Variants in PHACTR3 observed in about 807,000 individuals in gnomAD.
The protein encoded by PHACTR3 is phosphatase and actin regulator 3.
PHACTR3 carries 16 observed loss-of-function variants against 66.8 expected under a neutral mutation model. That is an observed-to-expected ratio of 0.24 (90% CI 0.16 to 0.36). The LOEUF (loss-of-function observed/expected upper bound fraction) is 0.36. Ranked by LOEUF, PHACTR3 falls within the 10% of genes least tolerant of loss-of-function variation. PHACTR3 has a pLI of 1.00. For synonymous variants in PHACTR3, 323 were observed against 292.1 expected (o/e 1.11, Z -1.08); for missense variants, 647 against 719.9 (o/e 0.90, Z 1.16).
Position 59,747,859 on chromosome 20 carries a change from T to G in PHACTR3, c.358+24T>G, listed in dbSNP as rs199508185. ...GGGTAAGTGGGACCCGTCCCTGGCT[T>G]GGAAGGGCACGGTGCTGGGAATGCA... On this transcript the variant is annotated intron_variant, in intron 3 of 12. Coordinates refer to ENST00000371015, the MANE Select transcript of PHACTR3 (RefSeq NM_080672.5). 4 of 1,610,836 alleles carry G rather than the reference T, an allele frequency of 2.5e-6. No homozygotes were observed. In the East Asian group the frequency reaches 8.9e-5, roughly 36 times the overall value.
At chr20:59,613,144 G>A (rs150322872) in intron 1 of PHACTR3, among the ~76,000 whole-genome samples, 409 of 152,156 alleles carry the variant, frequency 2.7e-3, no homozygotes, top group African/African-American at 8.9e-3. Context: ...AAACCCTATC[G>A]GATATGATTT....
intron 1 of PHACTR3, among the ~76,000 whole-genome samples, chr20:59,624,973 A>G (rs2034392220): frequency 6.6e-6 from 1 of 152,164 alleles, no homozygotes; most frequent in South Asian, 2.1e-4. Flanking sequence ...GATGCCATCC[A>G]GATCCCGCAT....
chr20:59,773,447 A>G lies in PHACTR3; in HGVS notation c.920A>G (p.Gln307Arg). 1 of 1,607,106 alleles carries G rather than the reference A, an allele frequency of 6.2e-7. No individual in the cohort carries two copies. The highest frequency in any genetic ancestry group is 8.5e-7 in the Non-Finnish European group (1 of 1,177,266). Reference protein sequence around the residue: ...LHRALATKHRQDSFQGRESKG... With the variant: ...LHRALATKHRRDSFQGRESKG... ...AGGGCGCTGGCCACGAAGCACCGCC[A>G]GGACAGGTGAGGCCCTGCCCCATGA... The change falls in exon 6 of 13, where the codon CAG (glutamine) becomes CGG (arginine). Residue 307 changes from glutamine to arginine, a missense_variant. Around this residue, in one of 2 missense-constraint regions of PHACTR3, gnomAD observed 577 missense variants for 571.1 expected, o/e 1.01. Transcript: ENST00000371015.
chr20:59,787,977 T>G (rs1330471555), intron 7 of PHACTR3, among the ~76,000 whole-genome samples: 2 of 152,164 alleles, frequency 1.3e-5, no homozygotes, highest in African/African-American at 4.8e-5. Context: ...TTTTATTTCT[T>G]CCATAAGTTA....
intron 1 of PHACTR3, among the ~76,000 whole-genome samples, chr20:59,596,148 C>CT (rs2033321842): frequency 6.6e-6 from 1 of 152,072 alleles, no homozygotes; most frequent in African/African-American, 2.4e-5. Flanking sequence ...TCTTTGTTTT[C>CT]TTTTTTCGGA....
At chr20:59,821,526 T>C (rs1245844594) in intron 8 of PHACTR3, among the ~76,000 whole-genome samples, 2 of 152,090 alleles carry the variant, frequency 1.3e-5, no homozygotes, top group African/African-American at 4.8e-5. Flanking sequence ...TGGACCCTCC[T>C]CATGTGGCCG....
At chr20:59,784,696 C>T (rs145654614) in intron 7 of PHACTR3, among the ~76,000 whole-genome samples, 12 of 152,324 alleles carry the variant, frequency 7.9e-5, no homozygotes, top group African/African-American at 2.9e-4. Context: ...TGTGAAGCCT[C>T]TGAGGGTTGT....
intron 1 of PHACTR3, among the ~76,000 whole-genome samples, chr20:59,605,762 A>T (rs938418201): frequency 6.9e-6 from 1 of 144,308 alleles, no homozygotes; most frequent in Middle Eastern, 3.6e-3. Flanking sequence ...GGCAGCGTTG[A>T]TTGTTTAGGT....
chr20:59,793,938 C>CA (rs2041176937), intron 7 of PHACTR3, among the ~76,000 whole-genome samples: 1 of 151,880 alleles, frequency 6.6e-6, no homozygotes, highest in Non-Finnish European at 1.5e-5. Flanking sequence ...GCCTGGCCAA[C>CA]ACAAAGAAAC....
rs200149468 is a variant in PHACTR3 at position 59,767,339 on chromosome 20, C to T, written c.695C>T (p.Pro232Leu). 288 of 1,614,018 alleles carry T rather than the reference C, an allele frequency of 1.8e-4. No individual in the cohort carries two copies. Among genetic ancestry groups the T allele is most frequent in the Non-Finnish European group, 2.4e-4 (283 of 1,180,044 alleles). The change falls in exon 5 of 13, where the codon CCA becomes CTA. Residue 232 changes from proline (P) to leucine (L), a missense_variant. Pro to Leu is a moderately conservative substitution (Grantham distance 98, BLOSUM62 -3). Coordinates refer to ENST00000371015, the MANE Select transcript of PHACTR3 (RefSeq NM_080672.5). ...TCCGTGGGCCAGCTCCCCAGCCCCCCACTGCTGCCCACTCCGCCACCCAAG... is the reference window on the plus strand; with the variant it reads ...TCCGTGGGCCAGCTCCCCAGCCCCCTACTGCTGCCCACTCCGCCACCCAAG... ...ERSVGQLPSPPLLPTPPPKAS... is the reference protein window; with the variant it reads ...ERSVGQLPSPLLLPTPPPKAS...
chr20:59,627,037 A>G (rs922072705), intron 1 of PHACTR3: 2 of 152,252 alleles, frequency 1.3e-5, no homozygotes, highest in African/African-American at 2.4e-5. Context: ...AGCACAGCAC[A>G]GCCATGAGCC....
intron 8 of PHACTR3, among the ~76,000 whole-genome samples, chr20:59,808,946 G>A (rs926541342): frequency 2.0e-5 from 3 of 152,200 alleles, no homozygotes; most frequent in African/African-American, 7.2e-5. Flanking sequence ...TACACCCTCC[G>A]CTTCTGACCA....
intron 7 of PHACTR3, among the ~76,000 whole-genome samples, chr20:59,802,691 T>C (rs144710414): frequency 5.9e-5 from 9 of 152,326 alleles, no homozygotes; most frequent in African/African-American, 2.2e-4. Context: ...TGTGCCACTC[T>C]GGTATCCGGA....
At chr20:59,782,732 A>G (rs750457716) in intron 7 of PHACTR3, among the ~76,000 whole-genome samples, 3 of 152,204 alleles carry the variant, frequency 2.0e-5, no homozygotes, top group Admixed American at 6.5e-5. Context: ...CCATGATTCA[A>G]TTATCTCCCA....
intron 1 of PHACTR3, among the ~76,000 whole-genome samples, chr20:59,722,740 G>T (rs889812329): frequency 3.4e-4 from 52 of 152,180 alleles, no homozygotes; most frequent in African/African-American, 8.9e-4. Flanking sequence ...GGCTTGAGGG[G>T]CAGCCATGGC....
intron 8 of PHACTR3, among the ~76,000 whole-genome samples, chr20:59,811,530 G>A (rs1318559806): frequency 1.3e-5 from 2 of 152,144 alleles, no homozygotes; most frequent in Non-Finnish European, 2.9e-5. Context: ...GTGGTGGCAG[G>A]TGCCTGTAGT....
intron 4 of PHACTR3, among the ~76,000 whole-genome samples, chr20:59,755,631 C>T (rs1427333540): frequency 7.2e-5 from 11 of 152,190 alleles, no homozygotes; most frequent in African/African-American, 2.4e-4. Flanking sequence ...CACACCTACC[C>T]CCCCTCCCAG....
intron 8 of PHACTR3, among the ~76,000 whole-genome samples, chr20:59,822,666 C>T (rs920581170): frequency 1.3e-5 from 2 of 152,190 alleles, no homozygotes; most frequent in African/African-American, 4.8e-5. Context: ...ATCAAGGACA[C>T]TTTCAGATGG....
chr20:59,847,041 G>T, intron 12 of PHACTR3, 74 bp from the exon 13 acceptor site: 1 of 1,033,172 alleles, frequency 9.7e-7, no homozygotes, highest in Non-Finnish European at 1.5e-6. Flanking sequence ...AAATTTATTT[G>T]TATAAGGTTT....
Sources: allele counts gnomAD v4.1 joint callset (sites outside exome capture counted in the v4.1 genomes callset), GRCh38; gene constraint gnomAD v4.1.1; regional missense constraint gnomAD v4.1.1; transcripts MANE v1.5; gene names NCBI Gene and HGNC (gene_info 2026-07-23, HGNC 2026-07-21).